ATP1A4: variants seen among roughly 807,000 people sequenced by gnomAD.
ATP1A4 encodes sodium/potassium-transporting ATPase subunit alpha-4.
In ATP1A4, 90 loss-of-function variants were observed where a neutral mutation model predicts 114.3. That is an observed-to-expected ratio of 0.79 (90% CI 0.66 to 0.94). The LOEUF is 0.94. ATP1A4 is among the 40% of genes least tolerant of loss of function. The pLI, the probability that ATP1A4 is intolerant of heterozygous loss-of-function variation, is 0.00. For synonymous variants in ATP1A4, 511 were observed against 494.1 expected (o/e 1.03, Z -0.45); for missense variants, 1,222 against 1,313.6 (o/e 0.93, Z 1.08).
intron 17 of ATP1A4, among the ~76,000 whole-genome samples, chr1:160,177,177 G>T (rs1311046228): frequency 6.6e-6 from 1 of 152,184 alleles, no homozygotes; most frequent in Admixed American, 6.5e-5. Flanking sequence ...TGGTATTTCA[G>T]AAAATAGGGT....
chr1:160,167,456 G>A lies in ATP1A4; in HGVS notation c.1491+44G>A, dbSNP rs1653082759. The A allele has an allele frequency of 3.1e-6, 5 of 1,600,476 alleles. No homozygotes were observed. The East Asian group carries it at 9.0e-5, about 29-fold the overall frequency. On this transcript the variant is annotated intron_variant, in intron 10 of 21. Transcript: ENST00000368081. ...TAGGAGAATGGTGGTGGGGGGATGGGCTTATCACTGGAACAAGGGGAGCTT... is the reference window on the plus strand; with the variant it reads ...TAGGAGAATGGTGGTGGGGGGATGGACTTATCACTGGAACAAGGGGAGCTT...
rs749257961 is a variant in ATP1A4, at chr1:160,181,751, T to C, written c.2804T>C (p.Val935Ala). Residue 935 changes from valine to alanine, a missense_variant, in exon 19 of 22, where the codon GTG becomes GCG. Coordinates refer to ENST00000368081, the MANE Select transcript of ATP1A4 (RefSeq NM_144699.4). ...GCCTTTTTTGTCACCATCGTGGTTGTGCAGTGGGCGGATCTCATCATCTCC... is the reference window on the plus strand; with the variant it reads ...GCCTTTTTTGTCACCATCGTGGTTGCGCAGTGGGCGGATCTCATCATCTCC... ...QTAFFVTIVV[V>A]QWADLIISKT... is the part of the protein sequence containing the mutation. 1.4e-4 allele frequency: 223 copies of C among 1,613,968 alleles called. No individual in the cohort carries two copies. Among genetic ancestry groups the C allele is most frequent in the Admixed American group, 2.5e-4 (15 of 59,986 alleles).
chr1:160,179,341 C>A (rs1653599263), intron 18 of ATP1A4, among the ~76,000 whole-genome samples: 1 of 152,234 alleles, frequency 6.6e-6, no homozygotes, highest in South Asian at 2.1e-4. Flanking sequence ...CATCTTGATA[C>A]TTCCTCCCTG....
chr1:160,164,490 G>GT (rs1199675624), intron 7 of ATP1A4, 66 bp downstream of exon 7: 3 of 1,550,170 alleles, frequency 1.9e-6, no homozygotes, highest in Non-Finnish European at 2.6e-6. Context: ...GGGATCACTA[G>GT]CGTCTCTTTT....
At chr1:160,173,815 A>G in intron 13 of ATP1A4, 98 bp downstream of exon 13, 1 of 1,437,362 alleles carries the variant, frequency 7.0e-7, no homozygotes, top group East Asian at 2.5e-5. Flanking sequence ...AGTCTCCTTC[A>G]ATAGGTAGGA....
chr1:160,171,194 G>A (rs1653241731), intron 10 of ATP1A4, 57 bp from the exon 11 acceptor site: 1 of 1,465,768 alleles, frequency 6.8e-7, no homozygotes, highest in East Asian at 2.3e-5. Flanking sequence ...CCTTCTTTTT[G>A]CCCCTGATCC....
At chr1:160,152,519 T>A (rs1652494357) in intron 1 of ATP1A4, among the ~76,000 whole-genome samples, 1 of 152,070 alleles carries the variant, frequency 6.6e-6, no homozygotes, top group Non-Finnish European at 1.5e-5. Context: ...AGGATATCGA[T>A]AAGATGTTCT....
chr1:160,186,213 C>T, intron 20 of ATP1A4, 63 bp from the exon 21 acceptor site: 2 of 1,150,810 alleles, frequency 1.7e-6, no homozygotes, highest in Non-Finnish European at 2.6e-6. Flanking sequence ...GTGCATTGCC[C>T]TCTGCACCTG....
At chr1:160,168,752 A>C (rs1015669099) in intron 10 of ATP1A4, among the ~76,000 whole-genome samples, 1 of 152,214 alleles carries the variant, frequency 6.6e-6, no homozygotes, top group Non-Finnish European at 1.5e-5. Flanking sequence ...TAAGGGTTAA[A>C]TAGATCTATC....
chr1:160,182,854 G>A (rs1455502552), intron 20 of ATP1A4: 1 of 152,062 alleles, frequency 6.6e-6, no homozygotes, highest in Admixed American at 6.6e-5. Context: ...TGTATTTTTA[G>A]TAGAGACGTG....
chr1:160,167,505 C>T (rs1389323907), intron 10 of ATP1A4, 93 bp downstream of exon 10: 9 of 1,531,916 alleles, frequency 5.9e-6, no homozygotes, highest in Non-Finnish European at 6.2e-6. Flanking sequence ...AACTTCACCT[C>T]GGAGAAGCAG....
intron 4 of ATP1A4, among the ~76,000 whole-genome samples, chr1:160,158,008 T>C (rs1652728232): frequency 6.6e-6 from 1 of 152,210 alleles, no homozygotes; most frequent in Non-Finnish European, 1.5e-5. Context: ...TTTCCTTCTC[T>C]TTTTGGTATC....
At chr1:160,180,179 G>C (rs964417848) in intron 18 of ATP1A4, among the ~76,000 whole-genome samples, 1 of 152,152 alleles carries the variant, frequency 6.6e-6, no homozygotes, top group African/African-American at 2.4e-5. Context: ...CGCGGGTAAC[G>C]GCAACTGACT....
intron 6 of ATP1A4, among the ~76,000 whole-genome samples, chr1:160,161,914 C>T (rs1188357855): frequency 2.0e-5 from 3 of 152,324 alleles, no homozygotes; most frequent in South Asian, 4.1e-4. Flanking sequence ...ATTAGAGATG[C>T]TCCTACTAAG....
At position 160,184,045 on chromosome 1, in the gene ATP1A4, C is replaced by A. The variant is rs545520757; in HGVS notation, c.2969+2014C>A. 7.3e-5 allele frequency among the ~76,000 whole-genome samples: 11 copies of A among 151,506 alleles called. 1 individual carries two copies. The highest frequency in any genetic ancestry group is 3.4e-3 in the Middle Eastern group (1 of 292). On this transcript the variant is annotated intron_variant, in intron 20 of 21. Coordinates refer to ENST00000368081, the MANE Select transcript of ATP1A4 (RefSeq NM_144699.4). ...TCGGCTCACTGCAAACTCCGCCCCG[C>A]TGGTTCAAGCAATTCTCCTGCCTCA...
At chr1:160,156,755 G>A (rs780089785) in intron 4 of ATP1A4, among the ~76,000 whole-genome samples, 18 of 152,154 alleles carry the variant, frequency 1.2e-4, no homozygotes, top group Non-Finnish European at 2.2e-4. Context: ...GCAGTGAACT[G>A]TGACCAACCT....
At chr1:160,174,372 T>C in intron 14 of ATP1A4, 111 bp downstream of exon 14, 1 of 1,472,986 alleles carries the variant, frequency 6.8e-7, no homozygotes, top group Non-Finnish European at 9.2e-7. Context: ...CTCCAGAGAG[T>C]ACCCCATCTG....
At chr1:160,184,381 A>G (rs1571039790) in intron 20 of ATP1A4, among the ~76,000 whole-genome samples, 1 of 152,196 alleles carries the variant, frequency 6.6e-6, no homozygotes, top group African/African-American at 2.4e-5. Flanking sequence ...CATCGTCTCA[A>G]TAAAAAAATT....
intron 20 of ATP1A4, among the ~76,000 whole-genome samples, chr1:160,184,187 G>A (rs1183877514): frequency 6.6e-6 from 1 of 152,044 alleles, no homozygotes; most frequent in Non-Finnish European, 1.5e-5. Flanking sequence ...TCCTGACCTT[G>A]TGATCCGCCT....
Sources: gnomAD v4.1 joint callset for allele counts (sites outside exome capture counted in the v4.1 genomes callset) on GRCh38, gnomAD v4.1.1 for gene constraint, MANE v1.5 for transcripts, NCBI Gene and HGNC (gene_info 2026-07-23, HGNC 2026-07-21) for gene names.